ZNF138: variants seen among roughly 807,000 people sequenced by gnomAD.
ZNF138 encodes zinc finger protein 138 (clone pHZ-32).
In ZNF138, 33 loss-of-function variants were observed where a neutral mutation model predicts 33.0. That is an observed-to-expected ratio of 1.00 (90% CI 0.76 to 1.34). The LOEUF (loss-of-function observed/expected upper bound fraction) is 1.34. Ranked by LOEUF, ZNF138 falls within the 40% of genes most tolerant of loss-of-function variation. The pLI, the probability that ZNF138 is intolerant of heterozygous loss-of-function variation, is 0.00. For synonymous variants in ZNF138, 139 were observed against 120.4 expected, an observed-to-expected ratio of 1.15 and a Z score of -1.01; for missense variants, 360 against 370.8, an observed-to-expected ratio of 0.97 and a Z score of 0.24.
chr7:64,796,824 C>T (rs1463925209), intron 1 of ZNF138, among the ~76,000 whole-genome samples: 1 of 152,190 alleles, frequency 6.6e-6, no homozygotes, highest in East Asian at 1.9e-4. Flanking sequence ...AGGGAGATCA[C>T]CTGAGGTCAG....
chr7:64,822,775 A>C (rs990915978), intron 3 of ZNF138, among the ~76,000 whole-genome samples: 1 of 152,230 alleles, frequency 6.6e-6, no homozygotes, highest in African/African-American at 2.4e-5. Context: ...TAAAAATTTT[A>C]AACTATTTCT....
At chr7:64,795,417 C>T (rs762246130) in intron 1 of ZNF138, among the ~76,000 whole-genome samples, 1 of 152,164 alleles carries the variant, frequency 6.6e-6, no homozygotes, top group Non-Finnish European at 1.5e-5. Flanking sequence ...ATTTCCCATT[C>T]CTTCAGCCTA....
At chr7:64,820,746 T>G (rs1186511959) in intron 3 of ZNF138, among the ~76,000 whole-genome samples, 3 of 151,450 alleles carry the variant, frequency 2.0e-5, no homozygotes, top group Non-Finnish European at 4.4e-5. Context: ...GTATTTTTAG[T>G]AGAGACAAGG....
chr7:64,838,786 T>C, the ZNF138 span, among the ~76,000 whole-genome samples: 1 of 150,546 alleles, frequency 6.6e-6, no homozygotes, highest in East Asian at 1.9e-4. Context: ...AGCCAAGGAG[T>C]TAGGTGGGCA....
At chr7:64,809,741 C>T (rs1261433517) in intron 1 of ZNF138, among the ~76,000 whole-genome samples, 20 of 141,864 alleles carry the variant, frequency 1.4e-4, no homozygotes, top group East Asian at 2.3e-4. Context: ...ACTTCTCAGA[C>T]GGGGCGGCCG....
chr7:64,823,959 T>G lies in ZNF138; in HGVS notation c.209-7492T>G, dbSNP rs371643695. Among the ~76,000 whole-genome samples the G allele has an allele frequency of 2.0e-4, 31 of 152,232 alleles. 1 individual carries two copies. Among genetic ancestry groups the G allele is most frequent in the African/African-American group, 7.0e-4 (29 of 41,556 alleles). On this transcript the variant is annotated intron_variant, in intron 3 of 3. Coordinates refer to ENST00000307355, the MANE Select transcript of ZNF138 (RefSeq NM_001271639.2). ...CCTCAAAAAAATAAATAAATAAATT[T>G]AATACGGCTTGGTATGATTTATAAC...
At chr7:64,807,198 G>T (rs1265528596) in intron 1 of ZNF138, among the ~76,000 whole-genome samples, 1 of 152,120 alleles carries the variant, frequency 6.6e-6, no homozygotes, top group African/African-American at 2.4e-5. Context: ...TCTGTTCAGG[G>T]CTCTCAGCTC....
At chr7:64,854,816 G>A in the ZNF138 span, among the ~76,000 whole-genome samples, 2 of 152,064 alleles carry the variant, frequency 1.3e-5, no homozygotes, top group Non-Finnish European at 1.5e-5. Flanking sequence ...GTATTCTTTA[G>A]GTGGCTTCCT....
intron 1 of ZNF138, among the ~76,000 whole-genome samples, chr7:64,802,703 C>G (rs985762727): frequency 6.6e-6 from 1 of 152,026 alleles, no homozygotes; most frequent in Non-Finnish European, 1.5e-5. Flanking sequence ...GTCCTCAGTT[C>G]CTAAATAAGA....
intron 3 of ZNF138, 136 bp from the exon 4 acceptor site, chr7:64,831,315 A>G (rs1434403793): frequency 3.2e-6 from 3 of 948,654 alleles, no homozygotes; most frequent in East Asian, 2.5e-5. Flanking sequence ...ATATGTCTAT[A>G]AAGGAATTAG....
chr7:64,855,161 C>T, the ZNF138 span, among the ~76,000 whole-genome samples: 1 of 152,130 alleles, frequency 6.6e-6, no homozygotes, highest in Non-Finnish European at 1.5e-5. Context: ...CTTCATTTGC[C>T]TGTTTACAGA....
Position 64,831,557 on chromosome 7 carries a change from AC to A in ZNF138, c.316del (p.Gln106SerfsTer2). 3.7e-6 allele frequency: 6 copies of A among 1,613,650 alleles called. No individual in the cohort carries two copies. Among genetic ancestry groups the A allele is most frequent in the African/African-American group, 1.3e-5 (1 of 75,046 alleles). On this transcript the variant is annotated frameshift_variant, in exon 4 of 4. Transcript: ENST00000307355. LOFTEE classifies it high-confidence loss of function. ...RYGKYGHKNL[Q>X]LRKGCKSVDE... ...ATGGAAAATATGGACATAAGAATTT[AC>A]AGTTAAGAAAAGGCTGTAAAAGTGT...
At chr7:64,852,506 A>G in the ZNF138 span, 139 of 1,574,834 alleles carry the variant, frequency 8.8e-5, no homozygotes, top group East Asian at 2.2e-3. Context: ...CTTCTCTACA[A>G]TCCCAATAAT....
the ZNF138 span, among the ~76,000 whole-genome samples, chr7:64,847,334 T>TATATATATATATATATATA: frequency 5.3e-5 from 5 of 93,592 alleles, no homozygotes; most frequent in South Asian, 3.8e-4. Flanking sequence ...ATATATATAT[T>TATATATATATATATATATA]TTTTTTTTTT....
At chr7:64,807,090 C>G (rs554560731) in intron 1 of ZNF138, among the ~76,000 whole-genome samples, 6 of 152,358 alleles carry the variant, frequency 3.9e-5, no homozygotes, top group African/African-American at 1.4e-4. Flanking sequence ...TAAGGACATG[C>G]TCCTGCTGCA....
Position 64,832,630 on chromosome 7 carries a change from T to A in ZNF138, c.*428T>A. 2.1e-6 allele frequency: 1 copy of A among 473,476 alleles called. No homozygotes were observed. The highest frequency in any genetic ancestry group is 4.1e-6 in the Non-Finnish European group (1 of 242,890). 29.3% of individuals were successfully genotyped at this position (473,476 alleles called of 1,614,324 possible). ...GCTTTTAACCAGTCCTCACACCTTATGAGACATAAGAAAATTCATAGTAAA... is the reference window on the plus strand; with the variant it reads ...GCTTTTAACCAGTCCTCACACCTTAAGAGACATAAGAAAATTCATAGTAAA... On this transcript the variant is annotated 3_prime_UTR_variant, in exon 4 of 4. Coordinates refer to ENST00000307355, the MANE Select transcript of ZNF138 (RefSeq NM_001271639.2).
chr7:64,823,929 C>T (rs1789370171), intron 3 of ZNF138, among the ~76,000 whole-genome samples: 1 of 152,112 alleles, frequency 6.6e-6, no homozygotes, highest in Non-Finnish European at 1.5e-5. Context: ...CAGATTGAGA[C>T]TCCACCTCAA....
intron 1 of ZNF138, among the ~76,000 whole-genome samples, chr7:64,811,996 A>G (rs1472462555): frequency 6.6e-6 from 1 of 152,186 alleles, no homozygotes; most frequent in Non-Finnish European, 1.5e-5. Flanking sequence ...TTAGGATTAC[A>G]TGGCCAATTT....
At chr7:64,849,428 G>A in the ZNF138 span, among the ~76,000 whole-genome samples, 510 of 152,302 alleles carry the variant, frequency 3.3e-3, no homozygotes, top group African/African-American at 0.012. Flanking sequence ...TACTTGCCAG[G>A]AGGTGGCGCT....
Sources: allele counts gnomAD v4.1 joint callset (sites outside exome capture counted in the v4.1 genomes callset), GRCh38; gene constraint gnomAD v4.1.1; transcripts MANE v1.5; gene names NCBI Gene and HGNC (gene_info 2026-07-23, HGNC 2026-07-21).